PLB1: variants seen among roughly 807,000 people sequenced by gnomAD.
PLB1 encodes phospholipase B1, membrane-associated.
A neutral mutation model predicts 227.4 loss-of-function variants in PLB1; 242 were observed. That is an observed-to-expected ratio of 1.06 (90% CI 0.96 to 1.18). The LOEUF is 1.18. PLB1 is among the 50% of genes most tolerant of loss of function. The pLI, the probability that PLB1 is intolerant of heterozygous loss-of-function variation, is 0.00. For missense variants in PLB1, 1,858 were observed against 1,816.3 expected (o/e 1.02, Z -0.42); for synonymous variants, 757 against 682.2 (o/e 1.11, Z -1.71).
In PLB1 at chr2:28,535,230, T is replaced by C. The variant is rs1437476523; in HGVS notation, c.555+3036T>C. 2.0e-5 allele frequency among the ~76,000 whole-genome samples: 3 copies of C among 152,374 alleles called. No individual in the cohort carries two copies. In the East Asian group the frequency reaches 5.8e-4, roughly 29 times the overall value. On this transcript the variant is annotated intron_variant, in intron 9 of 57. Transcript: ENST00000327757. ...AAACAGCTGTAAACCAATAACATGA[T>C]GTCCATAAATTTAGCTAATTACAGC...
intron 47 of PLB1, 45 bp downstream of exon 47, chr2:28,620,377 G>C: frequency 6.6e-7 from 1 of 1,522,634 alleles, no homozygotes; most frequent in Non-Finnish European, 8.9e-7. Context: ...TGCTCTCTCA[G>C]AGAGGTGTGA....
chr2:28,554,320 G>T (rs201231513), intron 17 of PLB1, among the ~76,000 whole-genome samples: 4 of 1,962 alleles, frequency 2.0e-3, no homozygotes, highest in African/African-American at 2.6e-3. Flanking sequence ...TGTCTATATA[G>T]AGAGAGAGAG....
intron 44 of PLB1, among the ~76,000 whole-genome samples, chr2:28,615,859 C>T (rs1195710595): frequency 1.3e-5 from 2 of 152,118 alleles, no homozygotes; most frequent in Admixed American, 6.5e-5. Flanking sequence ...GCTAGAAGGG[C>T]GTGTGTTTGT....
chr2:28,565,159 A>G (rs1009392384), intron 18 of PLB1, 121 bp from the exon 19 acceptor site: 2 of 768,162 alleles, frequency 2.6e-6, no homozygotes, highest in Non-Finnish European at 4.4e-6. Flanking sequence ...TCTAGACCCT[A>G]GATCCCAGAG....
chr2:28,581,900 G>C (rs561619335), intron 23 of PLB1, among the ~76,000 whole-genome samples, 168 bp from the exon 24 acceptor site: 3 of 152,008 alleles, frequency 2.0e-5, no homozygotes, highest in South Asian at 2.1e-4. Flanking sequence ...GGTGAAGGTT[G>C]CAGTGAGCCA....
chr2:28,606,362 C>T, intron 42 of PLB1, 134 bp from the exon 43 acceptor site: 1 of 845,720 alleles, frequency 1.2e-6, no homozygotes, highest in Non-Finnish European at 1.9e-6. Flanking sequence ...TGGCAACTGG[C>T]AGAGCCAGAA....
At chr2:28,570,245 A>T (rs1439716896) in intron 20 of PLB1, among the ~76,000 whole-genome samples, 2 of 152,200 alleles carry the variant, frequency 1.3e-5, no homozygotes, top group Admixed American at 6.5e-5. Flanking sequence ...ACCAGTAAGT[A>T]TTATGAATGT....
Position 28,594,253 on chromosome 2 carries a change from G to A in PLB1, c.2321+499G>A, listed in dbSNP as rs927868011. The A allele has an allele frequency of 4.2e-5, 12 of 282,460 alleles. No individual in the cohort carries two copies. The East Asian group carries it at 5.1e-4, about 12-fold the overall frequency. The allele number at this position is 282,460 out of a possible 1,614,324, so 17.5% of individuals were successfully genotyped here. A position where few individuals can be genotyped will look rare whatever the true frequency, so the allele number is the denominator to read the frequency against. Reference sequence around the variant, plus strand: ...CCAAGACACAATCACAATCAGCCATGTCTTGAAAGATTAGCAATTCGACAA... The same window carrying A: ...CCAAGACACAATCACAATCAGCCATATCTTGAAAGATTAGCAATTCGACAA... On this transcript the variant is annotated intron_variant, in intron 33 of 57. Transcript: ENST00000327757.
At chr2:28,578,355 A>G (rs922516571) in intron 22 of PLB1, among the ~76,000 whole-genome samples, 197 bp downstream of exon 22, 3 of 152,210 alleles carry the variant, frequency 2.0e-5, no homozygotes, top group African/African-American at 7.2e-5. Flanking sequence ...ACTGTGAGTC[A>G]GGCATCAGGC....
intron 17 of PLB1, among the ~76,000 whole-genome samples, chr2:28,562,615 T>C (rs1484453443): frequency 1.3e-5 from 2 of 150,576 alleles, no homozygotes; most frequent in South Asian, 4.2e-4. Context: ...CTGATTTTTA[T>C]AGGATGATGT....
chr2:28,539,123 G>C lies in PLB1; in HGVS notation c.643G>C (p.Val215Leu). The C allele has an allele frequency of 6.2e-7, 1 of 1,613,982 alleles. No homozygotes were observed. ...GGTCCCCAGAGCATTTGTAAACCTGGTGGACCTCTCTGAGGTTGCAGAGGT... is the reference window on the plus strand; with the variant it reads ...GGTCCCCAGAGCATTTGTAAACCTGCTGGACCTCTCTGAGGTTGCAGAGGT... ...QEVPRAFVNL[V>L]DLSEVAEVSR... The change falls in exon 11 of 58, where the codon GTG (valine) becomes CTG (leucine). Residue 215 changes from valine to leucine, a missense_variant. Transcript: ENST00000327757.
chr2:28,529,453 G>C, intron 7 of PLB1, 46 bp downstream of exon 7: 1 of 1,443,868 alleles, frequency 6.9e-7, no homozygotes, highest in South Asian at 1.1e-5. Flanking sequence ...GTTCCTACTG[G>C]TCTTCAACAT....
rs1304770548 is a variant in PLB1, at chr2:28,529,941, A to C, written c.468+162A>C. Among the ~76,000 whole-genome samples the C allele has an allele frequency of 3.9e-5, 6 of 152,234 alleles. No homozygotes were observed. The East Asian group carries it at 1.2e-3, about 29-fold the overall frequency. On this transcript the variant is annotated intron_variant, in intron 8 of 57. Transcript: ENST00000327757. The stretch of plus-strand genomic sequence containing the variant: ...TCTCTGCCATTCTCTGGCGGTCATT[A>C]GAGGAAAGGACCAATTCTTTTTTGT...
chr2:28,625,798 G>T (rs1573525348), intron 50 of PLB1, among the ~76,000 whole-genome samples: 3 of 152,032 alleles, frequency 2.0e-5, no homozygotes, highest in African/African-American at 7.2e-5. Context: ...AATGGGCCAA[G>T]GATATGTGGG....
chr2:28,548,036 G>A (rs1262822367), intron 14 of PLB1, among the ~76,000 whole-genome samples: 1 of 151,916 alleles, frequency 6.6e-6, no homozygotes, highest in Non-Finnish European at 1.5e-5. Flanking sequence ...CTATTTCACA[G>A]CGGATACCAC....
At chr2:28,604,873 C>T (rs541512270) in intron 41 of PLB1, 114 bp downstream of exon 41, 258 of 963,776 alleles carry the variant, frequency 2.7e-4, no homozygotes, top group Non-Finnish European at 3.6e-4. Flanking sequence ...GCTCTCCAGA[C>T]GCTGTGCTGG....
At chr2:28,574,334 T>TCCCC (rs766193311) in intron 21 of PLB1, among the ~76,000 whole-genome samples, 7 of 43,394 alleles carry the variant, frequency 1.6e-4, no homozygotes, top group Non-Finnish European at 4.0e-4. Flanking sequence ...CTTTAATCCC[T>TCCCC]CACCCCCCCC....
intron 49 of PLB1, among the ~76,000 whole-genome samples, chr2:28,624,498 A>G (rs1412904491): frequency 1.3e-5 from 2 of 152,154 alleles, no homozygotes; most frequent in Non-Finnish European, 2.9e-5. Context: ...TGAAGGGAGA[A>G]CTAATCCTGT....
intron 9 of PLB1, among the ~76,000 whole-genome samples, chr2:28,536,785 G>T (rs1671741182): frequency 6.6e-6 from 1 of 152,214 alleles, no homozygotes; most frequent in Admixed American, 6.5e-5. Flanking sequence ...GGAGCATAAT[G>T]TCTTTTACTG....
Sources: allele counts gnomAD v4.1 joint callset (sites outside exome capture counted in the v4.1 genomes callset), GRCh38; gene constraint gnomAD v4.1.1; transcripts MANE v1.5; gene names NCBI Gene and HGNC (gene_info 2026-07-23, HGNC 2026-07-21).